Variants in TNFRSF10A observed in about 807,000 individuals in gnomAD.
TNFRSF10A encodes the protein TNF receptor superfamily member 10a, also known as tumor necrosis factor receptor superfamily member 10A.
TNFRSF10A carries 44 observed loss-of-function variants against 42.8 expected under a neutral mutation model. That is an observed-to-expected ratio of 1.03 (90% CI 0.81 to 1.32). The LOEUF is 1.32. TNFRSF10A is among the 40% of genes most tolerant of loss of function. The pLI, the probability that TNFRSF10A is intolerant of heterozygous loss-of-function variation, is 0.00. For synonymous variants in TNFRSF10A, 259 were observed against 234.2 expected, an observed-to-expected ratio of 1.11 and a Z score of -0.97; for missense variants, 680 against 602.0, an observed-to-expected ratio of 1.13 and a Z score of -1.36.
At chr8:23,218,813 A>G (rs755387623) in intron 1 of TNFRSF10A, among the ~76,000 whole-genome samples, 3 of 152,164 alleles carry the variant, frequency 2.0e-5, no homozygotes, top group African/African-American at 7.2e-5. Context: ...TCTGAGTCTC[A>G]TGCTGTTTGT....
intron 2 of TNFRSF10A, among the ~76,000 whole-genome samples, 179 bp downstream of exon 2, chr8:23,211,937 G>C (rs1801096648): frequency 6.6e-6 from 1 of 152,192 alleles, no homozygotes; most frequent in Non-Finnish European, 1.5e-5. Flanking sequence ...CATAACCTTG[G>C]ATTTGGCAAA....
chr8:23,201,697 C>T lies in TNFRSF10A; in HGVS notation c.629+111G>A, dbSNP rs1800920081. On this transcript the variant is annotated intron_variant, in intron 4 of 9. Transcript: ENST00000221132. ...GGGACACCTATGGGGGTGGAGGCAC[C>T]ATGGGGTCAGGGCTGATAGATACGG... is the stretch of plus-strand genomic sequence containing the variant. The T allele has an allele frequency of 4.0e-6, 4 of 988,878 alleles. No homozygotes were observed. The South Asian group carries it at 5.6e-5, about 14-fold the overall frequency. The allele number at this position is 988,878 out of a possible 1,614,324, so 61.3% of individuals were successfully genotyped here.
rs551709649 is a variant in TNFRSF10A at position 23,217,511 on chromosome 8, C to T, written c.307-5299G>A. Among the ~76,000 whole-genome samples the T allele has an allele frequency of 4.0e-4, 61 of 152,084 alleles. 3 individuals carry two copies. Among genetic ancestry groups the T allele is most frequent in the Admixed American group, 1.6e-3 (24 of 15,264 alleles). On this transcript the variant is annotated intron_variant, in intron 1 of 9. Transcript: ENST00000221132. ...GATTACAGGGGTGAGCCACTGCGCC[C>T]GGCCTGAATTCACTTCTAACACTAA...
chr8:23,218,672 G>C (rs1801217178), intron 1 of TNFRSF10A, among the ~76,000 whole-genome samples: 1 of 152,096 alleles, frequency 6.6e-6, no homozygotes, highest in Non-Finnish European at 1.5e-5. Context: ...CCAGCGCTGG[G>C]TGAATGCAGG....
chr8:23,217,444 T>C (rs976017107), intron 1 of TNFRSF10A, among the ~76,000 whole-genome samples: 9 of 152,112 alleles, frequency 5.9e-5, no homozygotes, highest in Non-Finnish European at 1.2e-4. Context: ...CTCGATCTCC[T>C]TGACCTCGTG....
Position 23,225,030 on chromosome 8 carries a change from C to T in TNFRSF10A, c.32G>A (p.Gly11Asp), listed in dbSNP as rs34737614. 1 of 1,564,582 alleles carries T rather than the reference C, an allele frequency of 6.4e-7. No homozygotes were observed. Among genetic ancestry groups the T allele is most frequent in the Admixed American group, 1.8e-5 (1 of 55,304 alleles). Residue 11 changes from glycine to aspartate, a missense_variant, in exon 1 of 10, where the codon GGT becomes GAT. Gly to Asp is a moderately conservative substitution (Grantham distance 94, BLOSUM62 -1). Transcript: ENST00000221132. ...ATTCGGAGTCACTGCCAGGAACGCA[C>T]CTAGATGTACTCTAGCTGGTGGTGG... Reference protein sequence around the residue: MAPPPARVHLGAFLAVTPNPG... With the variant: MAPPPARVHLDAFLAVTPNPG...
At chr8:23,207,929 A>C (rs1801042133) in intron 2 of TNFRSF10A, among the ~76,000 whole-genome samples, 1 of 152,020 alleles carries the variant, frequency 6.6e-6, no homozygotes, top group African/African-American at 2.4e-5. Flanking sequence ...TAATACAGTA[A>C]ATTGGTACCA....
rs370223307 is a variant in TNFRSF10A at position 23,191,837 on chromosome 8, T to C, written c.1264A>G (p.Asn422Asp). The C allele has an allele frequency of 3.0e-5, 49 of 1,607,036 alleles. No homozygotes were observed. Among genetic ancestry groups the C allele is most frequent in the Non-Finnish European group, 4.0e-5 (47 of 1,176,936 alleles). ...LMKWVNKTGR[N>D]ASIHTLLDAL... ...TCCAGCAGGGTGTGGATCGAGGCGT[T>C]CCGTCCAGTTTTGTTGACCCATTTC... The change falls in exon 10 of 10, where the codon AAC (asparagine) becomes GAC (aspartate). Residue 422 changes from asparagine to aspartate, a missense_variant. Transcript: ENST00000221132.
At chr8:23,192,203 GCCC>G (rs752760956) in intron 9 of TNFRSF10A, among the ~76,000 whole-genome samples, 190 bp from the exon 10 acceptor site, 7 of 152,176 alleles carry the variant, frequency 4.6e-5, no homozygotes, top group Non-Finnish European at 8.8e-5. Context: ...GGCCTCTGTG[GCCC>G]CCAAGGCGCT....
At position 23,224,928 on chromosome 8, in the gene TNFRSF10A, A is replaced by G. The variant is rs770120254; in HGVS notation, c.134T>C (p.Ile45Thr). 1.3e-6 allele frequency: 2 copies of G among 1,599,336 alleles called. No homozygotes were observed. The highest frequency in any genetic ancestry group is 3.4e-5 in the Admixed American group (2 of 58,340). Reference protein sequence around the residue: ...SKVWGSSAGRIEPRGGGRGAL... With the variant: ...SKVWGSSAGRTEPRGGGRGAL... ...TCCTCGGCCCCCGCCTCGTGGTTCA[A>G]TCCTCCCCGCGGAAGAGCCCCACAC... The change falls in exon 1 of 10, where the codon ATT (isoleucine) becomes ACT (threonine). Residue 45 changes from isoleucine (I) to threonine (T), a missense_variant. Ile to Thr is a moderately conservative substitution (Grantham distance 89). Coordinates refer to ENST00000221132, the MANE Select transcript of TNFRSF10A (RefSeq NM_003844.4).
At chr8:23,208,082 T>C (rs372993114) in intron 2 of TNFRSF10A, among the ~76,000 whole-genome samples, 3 of 152,246 alleles carry the variant, frequency 2.0e-5, no homozygotes, top group South Asian at 2.1e-4. Context: ...TAGAGACTTG[T>C]TGAATGGCTT....
chr8:23,203,966 C>T (rs970661764), intron 2 of TNFRSF10A, among the ~76,000 whole-genome samples: 4 of 151,880 alleles, frequency 2.6e-5, no homozygotes, highest in South Asian at 2.1e-4. Flanking sequence ...TTAGTAGAGA[C>T]GGGGTTTCAC....
At chr8:23,199,535 C>T (rs761590020) in intron 7 of TNFRSF10A, 87 bp from the exon 8 acceptor site, 89 of 1,490,334 alleles carry the variant, frequency 6.0e-5, no homozygotes, top group Non-Finnish European at 7.8e-5. Flanking sequence ...GCTGCCACCA[C>T]CCCCTCCCAG....
intron 6 of TNFRSF10A, among the ~76,000 whole-genome samples, chr8:23,200,197 C>T (rs75497457): frequency 0.013 from 1,957 of 152,344 alleles, 54 homozygotes; most frequent in African/African-American, 0.044. Context: ...CTTCTCGTCT[C>T]GACTCTTGTC....
chr8:23,214,256 G>A (rs1801142494), intron 1 of TNFRSF10A, among the ~76,000 whole-genome samples: 1 of 152,136 alleles, frequency 6.6e-6, no homozygotes. Context: ...GGGAGGCCGA[G>A]GCAGGCAGAT....
In TNFRSF10A at chr8:23,191,974, G is replaced by A. The variant is rs1800761773; in HGVS notation, c.1127C>T (p.Pro376Leu). The A allele has an allele frequency of 1.2e-6, 2 of 1,614,000 alleles. No homozygotes were observed. The highest frequency in any genetic ancestry group is 2.7e-5 in the African/African-American group (2 of 74,912). Reference protein sequence around the residue: ...LFFDKFANIVPFDSWDQLMRQ... With the variant: ...LFFDKFANIVLFDSWDQLMRQ... ...CATGAGCTGGTCCCAGGAGTCAAAG[G>A]GCACGATGTTTGCAAACTTGTCAAA... is the stretch of plus-strand genomic sequence containing the variant. Residue 376 changes from proline to leucine, a missense_variant, in exon 10 of 10, where the codon CCC becomes CTC. Pro to Leu is a moderately conservative substitution (Grantham distance 98, BLOSUM62 -3). Coordinates refer to ENST00000221132, the MANE Select transcript of TNFRSF10A (RefSeq NM_003844.4).
At chr8:23,192,958 G>A (rs563997051) in intron 9 of TNFRSF10A, among the ~76,000 whole-genome samples, 1 of 152,138 alleles carries the variant, frequency 6.6e-6, no homozygotes, top group African/African-American at 2.4e-5. Context: ...TGGGATGTGG[G>A]ACCCCTCATT....
At chr8:23,200,869 G>T (rs537095154) in intron 4 of TNFRSF10A, 109 bp from the exon 5 acceptor site, 4 of 1,038,212 alleles carry the variant, frequency 3.9e-6, no homozygotes, top group South Asian at 2.7e-5. Flanking sequence ...GGCGTCAGGG[G>T]AAGGATAGTC....
At chr8:23,205,455 A>C (rs1484938799) in intron 2 of TNFRSF10A, among the ~76,000 whole-genome samples, 2 of 152,206 alleles carry the variant, frequency 1.3e-5, no homozygotes, top group African/African-American at 4.8e-5. Context: ...TAAATGACTT[A>C]CTGATTTATG....
Sources: gnomAD v4.1 joint callset for allele counts (sites outside exome capture counted in the v4.1 genomes callset) on GRCh38, gnomAD v4.1.1 for gene constraint, MANE v1.5 for transcripts, NCBI Gene and HGNC (gene_info 2026-07-23, HGNC 2026-07-21) for gene names.